Variants in PAQR3 observed in about 807,000 individuals in gnomAD.
PAQR3 encodes the protein Raf kinase trapping to Golgi.
PAQR3 carries 39 observed loss-of-function variants against 41.7 expected under a neutral mutation model. That is an observed-to-expected ratio of 0.93 (90% confidence interval 0.72 to 1.22). The LOEUF is 1.22. Ranked by LOEUF, PAQR3 falls within the 50% of genes most tolerant of loss-of-function variation. The probability of loss-of-function intolerance (pLI) is 0.00; values close to 1 mark genes in which losing one functional copy is unlikely to be tolerated. For synonymous variants in PAQR3, 140 were observed against 140.6 expected (o/e 1.00, Z 0.03); for missense variants, 366 against 385.6 (o/e 0.95, Z 0.42).
chr4:78,937,404 C>T lies in PAQR3; in HGVS notation c.185+1636G>A, dbSNP rs914232949. Among the ~76,000 whole-genome samples the T allele has an allele frequency of 6.6e-5, 10 of 152,266 alleles. No individual in the cohort carries two copies. The South Asian group carries it at 1.0e-3, about 16-fold the overall frequency. On this transcript the variant is annotated intron_variant, in intron 1 of 5. Coordinates refer to ENST00000512733, the MANE Select transcript of PAQR3 (RefSeq NM_001040202.2). ...TTTACTGGCTTTGGGTCTCTTCTTCCGTCTTTCGAACCTGGTGCCATCCTT... is the reference window on the plus strand; with the variant it reads ...TTTACTGGCTTTGGGTCTCTTCTTCTGTCTTTCGAACCTGGTGCCATCCTT...
intron 3 of PAQR3, 89 bp downstream of exon 3, chr4:78,930,081 T>C (rs1736681072): frequency 7.9e-7 from 1 of 1,264,824 alleles, no homozygotes; most frequent in Non-Finnish European, 1.1e-6. Context: ...AAGTTAATTA[T>C]GTACTTATTC....
At chr4:78,899,655 A>T (rs915478815) in intron 11 of PAQR3, among the ~76,000 whole-genome samples, 1 of 146,170 alleles carries the variant, frequency 6.8e-6, no homozygotes, top group Non-Finnish European at 1.5e-5. Flanking sequence ...TGAAGAAAGA[A>T]TTTTTTTTTT....
At chr4:78,925,281 G>A (rs1480718) in intron 4 of PAQR3, among the ~76,000 whole-genome samples, 116,718 of 152,066 alleles carry the variant, frequency 0.77, 44,975 homozygotes, top group Non-Finnish European at 0.81. Flanking sequence ...ATCAAATCTA[G>A]AAATTTTGGT....
In PAQR3 at chr4:78,917,975, T is replaced by A; in HGVS notation, c.*2564A>T. ...ACCCAGTTTATTTACATAATACATA[T>A]TTTGTCATGCAGCTTACTGAATTGC... On this transcript the variant is annotated 3_prime_UTR_variant, in exon 6 of 6. Coordinates refer to ENST00000512733, the MANE Select transcript of PAQR3 (RefSeq NM_001040202.2). 1 of 984,250 alleles carries A rather than the reference T, an allele frequency of 1.0e-6. No homozygotes were observed. Among genetic ancestry groups the A allele is most frequent in the Non-Finnish European group, 1.2e-6 (1 of 828,530 alleles). 61.0% of individuals were successfully genotyped at this position (984,250 alleles called of 1,614,324 possible). A position where few individuals can be genotyped will look rare whatever the true frequency, so the allele number is the denominator to read the frequency against.
Position 78,930,178 on chromosome 4 carries a change from A to T in PAQR3, c.496T>A (p.Cys166Ser). ...YVSGVFYAFY[C>S]NNYWRQVYLI... ...TGTTTTCATCTACTTACGTTATTAC[A>T]ATAAAATGCGTAAAATACTCCTGAG... Residue 166 changes from cysteine (C) to serine (S), a missense_variant, in exon 3 of 6, where the codon TGT becomes AGT. By Grantham distance (112) the Cys-to-Ser change is moderately radical. Transcript: ENST00000512733. 1 of 1,609,606 alleles carries T rather than the reference A, an allele frequency of 6.2e-7. No individual in the cohort carries two copies. Among genetic ancestry groups the T allele is most frequent in the Non-Finnish European group, 8.5e-7 (1 of 1,178,818 alleles).
In PAQR3 at chr4:78,937,207, AG is replaced by A. The variant is rs564022140; in HGVS notation, c.185+1832del. Among the ~76,000 whole-genome samples, 156 of 152,258 alleles carry A rather than the reference AG, an allele frequency of 1.0e-3. 1 individual carries two copies. Among genetic ancestry groups the A allele is most frequent in the Non-Finnish European group, 1.9e-3 (130 of 67,998 alleles). On this transcript the variant is annotated intron_variant, in intron 1 of 5. Coordinates refer to ENST00000512733, the MANE Select transcript of PAQR3 (RefSeq NM_001040202.2). ...GGAATGCTGACTGTACATGGGATGG[AG>A]GCCTTTTGTTTTGCAAATGAAGATT...
At chr4:78,921,426 T>C (rs1342709363) in intron 5 of PAQR3, among the ~76,000 whole-genome samples, 1 of 151,928 alleles carries the variant, frequency 6.6e-6, no homozygotes, top group African/African-American at 2.4e-5. Flanking sequence ...TTCTCTAACC[T>C]CTCTTTTTTC....
chr4:78,896,755 G>T (rs1733725963), intron 11 of PAQR3, among the ~76,000 whole-genome samples: 1 of 152,004 alleles, frequency 6.6e-6, no homozygotes, highest in African/African-American at 2.4e-5. Flanking sequence ...ATATTTCTTT[G>T]CTGCTGCTTT....
At chr4:78,938,321 C>T (rs1737647825) in intron 1 of PAQR3, among the ~76,000 whole-genome samples, 1 of 151,954 alleles carries the variant, frequency 6.6e-6, no homozygotes, top group Non-Finnish European at 1.5e-5. Context: ...TTTTAAAACA[C>T]GGATTTTCAA....
At chr4:78,924,640 T>C (rs1736007570) in intron 4 of PAQR3, among the ~76,000 whole-genome samples, 2 of 151,958 alleles carry the variant, frequency 1.3e-5, no homozygotes, top group Admixed American at 6.6e-5. Flanking sequence ...ACAATTATTA[T>C]TATTTTTTAA....
downstream of PAQR3, among the ~76,000 whole-genome samples, chr4:78,908,870 T>C (rs116627349): frequency 1.3e-5 from 2 of 152,238 alleles, no homozygotes; most frequent in Admixed American, 6.5e-5. Flanking sequence ...AATGGGTTTC[T>C]ATCACGCCAC....
At chr4:78,899,055 A>AGT (rs1056886002) in intron 11 of PAQR3, 1 of 152,290 alleles carries the variant, frequency 6.6e-6, no homozygotes, top group Non-Finnish European at 1.5e-5. Flanking sequence ...TCAGGTTGGA[A>AGT]GTAGAGCAGG....
chr4:78,906,069 T>C (rs536090375), intron 11 of PAQR3: 1 of 152,264 alleles, frequency 6.6e-6, no homozygotes, highest in South Asian at 2.1e-4. Flanking sequence ...TCATGATGAA[T>C]AGATGATTAA....
intron 1 of PAQR3, among the ~76,000 whole-genome samples, chr4:78,935,951 G>A (rs1184858904): frequency 1.3e-5 from 2 of 152,096 alleles, no homozygotes; most frequent in Admixed American, 6.5e-5. Flanking sequence ...ACAAACAACT[G>A]GACTTAACTT....
intron 11 of PAQR3, among the ~76,000 whole-genome samples, chr4:78,891,694 G>C (rs1009330866): frequency 6.6e-5 from 10 of 152,120 alleles, no homozygotes; most frequent in Non-Finnish European, 1.5e-4. Context: ...CTTTGGTTTT[G>C]CACATTTTGC....
chr4:78,901,357 A>C (rs901280921), intron 11 of PAQR3, among the ~76,000 whole-genome samples: 1 of 152,112 alleles, frequency 6.6e-6, no homozygotes, highest in African/African-American at 2.4e-5. Context: ...CATTGTGCCC[A>C]GCCCAAACTT....
intron 4 of PAQR3, among the ~76,000 whole-genome samples, chr4:78,925,930 CTT>C (rs975187368): frequency 2.6e-4 from 39 of 152,250 alleles, no homozygotes; most frequent in Admixed American, 2.4e-3. Context: ...ACAAATAGCT[CTT>C]CTTTTATTTC....
Position 78,915,549 on chromosome 4 carries a change from TCTA to T in PAQR3, c.*4987_*4989del, listed in dbSNP as rs1734973066. 6.6e-6 allele frequency: 1 copy of T among 151,932 alleles called. No individual in the cohort carries two copies. 9.4% of individuals were successfully genotyped at this position (151,932 alleles called of 1,614,324 possible). ...TCTACTGTGAGAATGAGATGACATA[TCTA>T]CTGTGAGAATACCATAAATGATGAA... On this transcript the variant is annotated 3_prime_UTR_variant, in exon 6 of 6. Transcript: ENST00000512733.
In PAQR3 at chr4:78,919,288, A is replaced by T. The variant is rs1018924446; in HGVS notation, c.*1251T>A. 1.0e-6 allele frequency: 1 copy of T among 984,464 alleles called. No homozygotes were observed. The highest frequency in any genetic ancestry group is 1.2e-6 in the Non-Finnish European group (1 of 829,180). The allele number at this position is 984,464 out of a possible 1,614,324, so 61.0% of individuals were successfully genotyped here. On this transcript the variant is annotated 3_prime_UTR_variant, in exon 6 of 6. Transcript: ENST00000512733. The stretch of plus-strand genomic sequence containing the variant: ...GTCAACTCATGAAGAAACTTGGGTA[A>T]TATTTTATACTCCAATAAACAATGT...
Sources: allele counts gnomAD v4.1 joint callset (sites outside exome capture counted in the v4.1 genomes callset), GRCh38; gene constraint gnomAD v4.1.1; transcripts MANE v1.5; gene names NCBI Gene and HGNC (gene_info 2026-07-23, HGNC 2026-07-21).